Variants in AUTS2 observed in about 807,000 individuals in gnomAD.
The protein encoded by AUTS2 is autism susceptibility gene 2 protein.
A neutral mutation model predicts 112.4 loss-of-function variants in AUTS2; 17 were observed. That is an observed-to-expected ratio of 0.15 (90% CI 0.10 to 0.23). The LOEUF is 0.23. Ranked by LOEUF, AUTS2 falls within the 10% of genes least tolerant of loss-of-function variation. The pLI is 1.00. For synonymous variants in AUTS2, 751 were observed against 702.7 expected (o/e 1.07, Z -1.09); for missense variants, 1,510 against 1,701.6 (o/e 0.89, Z 1.98).
At chr7:69,705,067 G>A (rs912645124) in intron 1 of AUTS2, among the ~76,000 whole-genome samples, 8 of 152,202 alleles carry the variant, frequency 5.3e-5, no homozygotes, top group Admixed American at 3.3e-4. Flanking sequence ...GGGTTTCACC[G>A]TGTTGCCCAT....
chr7:70,574,498 C>T (rs1467519476), intron 5 of AUTS2, among the ~76,000 whole-genome samples: 3 of 152,190 alleles, frequency 2.0e-5, no homozygotes, highest in Non-Finnish European at 4.4e-5. Context: ...ATTTGGCCCT[C>T]TCTGTACTTT....
chr7:70,721,341 C>T (rs1397942425), intron 6 of AUTS2, among the ~76,000 whole-genome samples: 3 of 146,984 alleles, frequency 2.0e-5, no homozygotes, highest in Admixed American at 7.0e-5. Context: ...TCTTGTTGCC[C>T]AGGCTGGAGT....
intron 4 of AUTS2, among the ~76,000 whole-genome samples, chr7:70,321,296 C>T (rs554951148): frequency 1.3e-5 from 2 of 152,290 alleles, no homozygotes; most frequent in Admixed American, 1.3e-4. Flanking sequence ...ATAGAATGTC[C>T]TTCGAAACAT....
intron 5 of AUTS2, among the ~76,000 whole-genome samples, chr7:70,695,444 C>T (rs1394222333): frequency 6.6e-6 from 1 of 152,236 alleles, no homozygotes; most frequent in Admixed American, 6.5e-5. Context: ...GGATCCCGGC[C>T]CGCACCCGGT....
chr7:70,325,228 G>A (rs1790431936), intron 4 of AUTS2, among the ~76,000 whole-genome samples: 1 of 152,074 alleles, frequency 6.6e-6, no homozygotes, highest in African/African-American at 2.4e-5. Context: ...AGAGACTGAG[G>A]CGGGAGCATC....
At chr7:70,548,293 T>A (rs1464669273) in intron 5 of AUTS2, among the ~76,000 whole-genome samples, 1 of 152,216 alleles carries the variant, frequency 6.6e-6, no homozygotes, top group Non-Finnish European at 1.5e-5. Context: ...TTGTAAGAAT[T>A]CTGTATATAT....
At chr7:70,413,986 A>G (rs368640556) in intron 4 of AUTS2, among the ~76,000 whole-genome samples, 2 of 152,058 alleles carry the variant, frequency 1.3e-5, no homozygotes, top group South Asian at 2.1e-4. Context: ...CTCTTTAAAC[A>G]CTTTTTGCTT....
At chr7:70,744,547 A>C (rs1234068538) in intron 6 of AUTS2, among the ~76,000 whole-genome samples, 1 of 152,182 alleles carries the variant, frequency 6.6e-6, no homozygotes, top group South Asian at 2.1e-4. Context: ...ATTCAAGTAA[A>C]GTCAGTCTGT....
intron 4 of AUTS2, among the ~76,000 whole-genome samples, chr7:70,206,975 A>C (rs1810608296): frequency 6.6e-6 from 1 of 152,198 alleles, no homozygotes; most frequent in African/African-American, 2.4e-5. Flanking sequence ...AGTCTGAATC[A>C]GCAGATACTT....
chr7:69,840,645 C>A (rs980118376), intron 1 of AUTS2, among the ~76,000 whole-genome samples: 3 of 152,132 alleles, frequency 2.0e-5, no homozygotes, highest in African/African-American at 7.2e-5. Flanking sequence ...AATAAAAATT[C>A]TTGAACTCAT....
At position 70,061,440 on chromosome 7, in the gene AUTS2, T is replaced by C. The variant is rs571864201; in HGVS notation, c.523-56692T>C. The stretch of plus-strand genomic sequence containing the variant: ...GAGGTGCTAGGTTTGTATTAAAATA[T>C]TAAGTTAATTAAAGCTTCCTATTAA... On this transcript the variant is annotated intron_variant, in intron 2 of 18. Coordinates refer to ENST00000342771, the MANE Select transcript of AUTS2 (RefSeq NM_015570.4). Among the ~76,000 whole-genome samples, 32 of 152,334 alleles carry C rather than the reference T, an allele frequency of 2.1e-4. 2 individuals are homozygous for C. In the South Asian group the frequency reaches 6.6e-3, roughly 32 times the overall value.
chr7:70,376,594 C>T (rs905355734), intron 4 of AUTS2, among the ~76,000 whole-genome samples: 10 of 151,504 alleles, frequency 6.6e-5, no homozygotes, highest in African/African-American at 1.9e-4. Flanking sequence ...GGTCACTGGC[C>T]GTCTCAGGAG....
intron 1 of AUTS2, among the ~76,000 whole-genome samples, chr7:69,655,087 G>A (rs947971130): frequency 7.2e-5 from 11 of 152,118 alleles, no homozygotes; most frequent in Non-Finnish European, 1.3e-4. Context: ...AGCATCAGTT[G>A]ATGCACCTGA....
chr7:70,699,441 C>T (rs1199802804), intron 6 of AUTS2: 1 of 152,196 alleles, frequency 6.6e-6, no homozygotes, highest in African/African-American at 2.4e-5. Flanking sequence ...CTTGGTAGCA[C>T]TTGAACAGAC....
intron 5 of AUTS2, among the ~76,000 whole-genome samples, chr7:70,589,721 G>C (rs1029152229): frequency 2.6e-5 from 4 of 151,738 alleles, no homozygotes; most frequent in Non-Finnish European, 5.9e-5. Flanking sequence ...CTCAAAAAAA[G>C]AAAAGAAAAG....
chr7:70,496,972 G>A (rs1339325632), intron 5 of AUTS2, among the ~76,000 whole-genome samples: 11 of 96,958 alleles, frequency 1.1e-4, no homozygotes, highest in South Asian at 1.1e-3. Flanking sequence ...TCACATCAGC[G>A]TCGATCACAC....
At chr7:69,737,252 CAATTG>C (rs1436957374) in intron 1 of AUTS2, among the ~76,000 whole-genome samples, 3 of 152,054 alleles carry the variant, frequency 2.0e-5, no homozygotes, top group Non-Finnish European at 4.4e-5. Context: ...CCATTTAACT[CAATTG>C]AATAATAACA....
chr7:70,603,417 T>C (rs1803575953), intron 5 of AUTS2, among the ~76,000 whole-genome samples: 1 of 152,208 alleles, frequency 6.6e-6, no homozygotes, highest in African/African-American at 2.4e-5. Context: ...AGAGGCTTCT[T>C]GGCCAGATTA....
At chr7:70,317,968 T>C (rs949514981) in intron 4 of AUTS2, among the ~76,000 whole-genome samples, 3 of 152,122 alleles carry the variant, frequency 2.0e-5, no homozygotes, top group African/African-American at 7.2e-5. Flanking sequence ...ACTTCTAAAA[T>C]GTAATGGTCA....
Sources: allele counts gnomAD v4.1 joint callset (sites outside exome capture counted in the v4.1 genomes callset), GRCh38; gene constraint gnomAD v4.1.1; transcripts MANE v1.5; gene names NCBI Gene and HGNC (gene_info 2026-07-23, HGNC 2026-07-21).